KIDINS220: variants seen among roughly 807,000 people sequenced by gnomAD.
The protein encoded by KIDINS220 is kinase D-interacting substrate of 220 kDa.
Under a neutral mutation model 157.6 loss-of-function variants are expected in KIDINS220, and 63 were observed. The ratio of observed to expected loss-of-function variants is 0.40; its 90% CI spans 0.33 to 0.49. The LOEUF is 0.49. Ranked by LOEUF, KIDINS220 falls within the 20% of genes least tolerant of loss-of-function variation. The pLI is 0.66. For missense variants in KIDINS220, 1,772 were observed against 2,171.2 expected (o/e 0.82, Z 3.65); for synonymous variants, 732 against 783.6 (o/e 0.93, Z 1.10).
chr2:8,814,944 A>G (rs1419376646), intron 4 of KIDINS220, among the ~76,000 whole-genome samples: 1 of 152,246 alleles, frequency 6.6e-6, no homozygotes, highest in Non-Finnish European at 1.5e-5. Flanking sequence ...GGAACATTCT[A>G]AAATTACTGA....
intron 27 of KIDINS220, 125 bp from the exon 28 acceptor site, chr2:8,734,878 C>CA (rs1054130292): frequency 1.1e-4 from 65 of 591,260 alleles, no homozygotes; most frequent in South Asian, 2.0e-4. Flanking sequence ...AAAGGCTGAC[C>CA]AAAAAAAAGG....
chr2:8,821,958 A>T (rs141325684), intron 2 of KIDINS220, among the ~76,000 whole-genome samples: 20 of 152,252 alleles, frequency 1.3e-4, no homozygotes, highest in African/African-American at 4.3e-4. Flanking sequence ...ACCTGACCCC[A>T]CACATCCCAG....
rs746315621 is a variant in KIDINS220 at position 8,790,017 on chromosome 2, AAG to A, written c.1482_1483del (p.Phe495SerfsTer68). ...AAACACTATGAGCCATGAGAACTGAAAGAGAGGCTCAATCTGTTGTCCGGCGA... is the reference window on the plus strand; with the variant it reads ...AAACACTATGAGCCATGAGAACTGAAAGAGGCTCAATCTGTTGTCCGGCGA... On this transcript the variant is annotated frameshift_variant, in exon 14 of 30. Coordinates refer to ENST00000256707, the MANE Select transcript of KIDINS220 (RefSeq NM_020738.4). LOFTEE classifies it high-confidence loss of function. 1.2e-6 allele frequency: 2 copies of A among 1,608,758 alleles called. No individual in the cohort carries two copies. Among genetic ancestry groups the A allele is most frequent in the East Asian group, 2.2e-5 (1 of 44,842 alleles).
intron 1 of KIDINS220, among the ~76,000 whole-genome samples, chr2:8,835,725 T>C (rs1572864213): frequency 6.6e-6 from 1 of 151,620 alleles, no homozygotes; most frequent in Admixed American, 6.6e-5. Context: ...CCTGGGATCC[T>C]GACTTCTTTC....
At chr2:8,767,126 A>G (rs1162659476) in intron 22 of KIDINS220, among the ~76,000 whole-genome samples, 1 of 152,170 alleles carries the variant, frequency 6.6e-6, no homozygotes, top group East Asian at 1.9e-4. Context: ...CCTCTCCTAT[A>G]TGGGGAATTA....
rs148336270 is a variant in KIDINS220, at chr2:8,835,248, A to G, written c.-37+2232T>C. On this transcript the variant is annotated intron_variant, in intron 1 of 29. Coordinates refer to ENST00000256707, the MANE Select transcript of KIDINS220 (RefSeq NM_020738.4). ...GTAGAAACTTAATAGATAACCATCA[A>G]ATTAAATAACTGCATAGGTATGCTA... is the stretch of plus-strand genomic sequence containing the variant. 7.9e-5 allele frequency among the ~76,000 whole-genome samples: 12 copies of G among 152,292 alleles called. No homozygotes were observed. The East Asian group carries it at 1.5e-3, about 20-fold the overall frequency.
chr2:8,827,734 A>C (rs1318136302), intron 1 of KIDINS220, among the ~76,000 whole-genome samples: 1 of 152,214 alleles, frequency 6.6e-6, no homozygotes, highest in Non-Finnish European at 1.5e-5. Flanking sequence ...TGAATATGTT[A>C]ATTAGCCTGA....
At chr2:8,722,091 C>G (rs1018554361), downstream of KIDINS220, 1 of 152,120 alleles carries the variant, frequency 6.6e-6, no homozygotes. Context: ...TACAACTCCA[C>G]ATAACCACGC....
chr2:8,727,750 T>C (rs141966574), downstream of KIDINS220, among the ~76,000 whole-genome samples: 235 of 152,342 alleles, frequency 1.5e-3, no homozygotes, highest in African/African-American at 5.4e-3. Context: ...GACCACTATA[T>C]AAACCCATAT....
chr2:8,812,569 G>A lies in KIDINS220; in HGVS notation c.406-76C>T, dbSNP rs1467370632. On this transcript the variant is annotated intron_variant, in intron 5 of 29. Transcript: ENST00000256707. ...AAGAAAGAAAGGAAGGAGGGAGGGA[G>A]GGAAGGAGAAATAAAATCTTTTAGG... is the stretch of plus-strand genomic sequence containing the variant. The A allele has an allele frequency of 4.4e-6, 3 of 686,502 alleles. No homozygotes were observed. In the South Asian group the frequency reaches 9.9e-5, roughly 23 times the overall value. 42.5% of individuals were successfully genotyped at this position (686,502 alleles called of 1,614,324 possible). A position where few individuals can be genotyped will look rare whatever the true frequency, so the allele number is the denominator to read the frequency against.
intron 26 of KIDINS220, among the ~76,000 whole-genome samples, chr2:8,744,398 TATA>T (rs1481854768): frequency 0.047 from 1,131 of 24,026 alleles, 41 homozygotes; most frequent in Non-Finnish European, 0.052. Flanking sequence ...AATATATATA[TATA>T]ATATATATAT....
At chr2:8,746,970 C>A (rs565389620) in intron 26 of KIDINS220, 175 bp downstream of exon 26, 5 of 540,924 alleles carry the variant, frequency 9.2e-6, no homozygotes, top group African/African-American at 1.9e-5. Flanking sequence ...GTTAAACATC[C>A]GCTTTTTAAT....
At chr2:8,792,934 G>A (rs908591672) in intron 12 of KIDINS220, among the ~76,000 whole-genome samples, 30 of 152,122 alleles carry the variant, frequency 2.0e-4, no homozygotes, top group South Asian at 6.2e-4. Context: ...CGAACTCAAT[G>A]TACGAAAAAT....
intron 19 of KIDINS220, 35 bp from the exon 20 acceptor site, chr2:8,778,762 C>G: frequency 6.3e-7 from 1 of 1,596,532 alleles, no homozygotes; most frequent in Non-Finnish European, 8.6e-7. Context: ...TCACTTACAC[C>G]AAAATTCTGT....
chr2:8,827,046 T>G lies in KIDINS220; in HGVS notation c.48A>C (p.Glu16Asp). Residue 16 changes from glutamate (E) to aspartate (D), a missense_variant, in exon 2 of 30, where the codon GAA becomes GAC. Glu to Asp is a conservative substitution (Grantham distance 45, BLOSUM62 2). Around this residue, in one of 3 missense-constraint regions of KIDINS220, gnomAD observed 254 missense variants for 268.6 expected, o/e 0.95. Transcript: ENST00000256707. ...GAAGAGCTTTCAGAGCAGGAATGTTTTCTTCCTCTACATAATTTATGACGC... is the reference window on the plus strand; with the variant it reads ...GAAGAGCTTTCAGAGCAGGAATGTTGTCTTCCTCTACATAATTTATGACGC... The part of the protein sequence containing the change: ...SQSVINYVEE[E>D]NIPALKALLE... 6.2e-7 allele frequency: 1 copy of G among 1,610,476 alleles called. No homozygotes were observed. The highest frequency in any genetic ancestry group is 8.5e-7 in the Non-Finnish European group (1 of 1,177,554).
At position 8,783,618 on chromosome 2, in the gene KIDINS220, A is replaced by C. The variant is rs544444496; in HGVS notation, c.2229+2123T>G. Among the ~76,000 whole-genome samples, 23 of 120,242 alleles carry C rather than the reference A, an allele frequency of 1.9e-4. No individual in the cohort carries two copies. In the East Asian group the frequency reaches 6.3e-3, roughly 33 times the overall value. The allele number at this position is 120,242 out of a possible 152,430, so 78.9% of individuals were successfully genotyped here. A position where few individuals can be genotyped will look rare whatever the true frequency, so the allele number is the denominator to read the frequency against. On this transcript the variant is annotated intron_variant, in intron 17 of 29. Transcript: ENST00000256707. ...ATGAAAAAAAACTCCTGGGACTAAC[A>C]AACAATTATAGCAAGATTTCAGATT...
intron 7 of KIDINS220, among the ~76,000 whole-genome samples, chr2:8,803,778 G>A (rs1197217089): frequency 3.3e-5 from 5 of 152,170 alleles, no homozygotes; most frequent in African/African-American, 4.8e-5. Flanking sequence ...AGGAGGCCAA[G>A]GCAGGAGGAT....
chr2:8,769,562 A>G (rs569205863), intron 22 of KIDINS220, among the ~76,000 whole-genome samples: 1 of 152,362 alleles, frequency 6.6e-6, no homozygotes, highest in South Asian at 2.1e-4. Context: ...TAAATATAAC[A>G]TGCGAAAAAT....
intron 9 of KIDINS220, 21 bp from the exon 10 acceptor site, chr2:8,798,321 C>T: frequency 7.8e-7 from 1 of 1,275,528 alleles, no homozygotes; most frequent in South Asian, 1.2e-5. Flanking sequence ...AAAAAAAACA[C>T]AATCACTTCA....
Sources: gnomAD v4.1 joint callset for allele counts (sites outside exome capture counted in the v4.1 genomes callset) on GRCh38, gnomAD v4.1.1 for gene constraint, gnomAD v4.1.1 regional missense constraint, MANE v1.5 for transcripts, NCBI Gene and HGNC (gene_info 2026-07-23, HGNC 2026-07-21) for gene names.